The following DUSP11 variants were observed in gnomAD, a reference collection of about 807,000 sequenced individuals.
DUSP11 encodes RNA/RNP complex-1-interacting phosphatase.
Under a neutral mutation model 41.4 loss-of-function variants are expected in DUSP11, and 27 were observed. The ratio of observed to expected loss-of-function variants is 0.65; its 90% CI spans 0.48 to 0.90. The LOEUF is 0.90. DUSP11 is among the 40% of genes least tolerant of loss of function. The probability of loss-of-function intolerance (pLI) is 0.00; values close to 1 mark genes in which losing one functional copy is unlikely to be tolerated. For missense variants in DUSP11, 465 were observed against 461.1 expected, an observed-to-expected ratio of 1.01 and a Z score of -0.08; for synonymous variants, 188 against 159.3, an observed-to-expected ratio of 1.18 and a Z score of -1.35.
At chr2:73,780,025 G>C (rs371062533) in exon 1 of DUSP11, 16 of 1,613,964 alleles carry the variant, frequency 9.9e-6, no homozygotes, top group African/African-American at 5.3e-5. Flanking sequence ...AAAAGCGCCA[G>C]TCCGGCGCCC....
chr2:73,767,166 A>G (rs747146824), exon 6 of DUSP11: 3 of 1,611,652 alleles, frequency 1.9e-6, no homozygotes, highest in Non-Finnish European at 2.5e-6. Flanking sequence ...CTTACATTCA[A>G]TTGCATCATC....
intron 8 of DUSP11, among the ~76,000 whole-genome samples, chr2:73,764,013 G>C (rs1303823562): frequency 2.0e-5 from 3 of 152,192 alleles, no homozygotes; most frequent in Non-Finnish European, 4.4e-5. Flanking sequence ...AAATAATGCT[G>C]GGATTAACAC....
chr2:73,775,863 TTAAAAA>T (rs1228204980), intron 2 of DUSP11, among the ~76,000 whole-genome samples: 1 of 101,502 alleles, frequency 9.9e-6, no homozygotes, highest in Non-Finnish European at 1.8e-5. Flanking sequence ...AAAAAAAAAT[TTAAAAA>T]AAAAAAAAAA....
rs374461859 is a variant in DUSP11, at chr2:73,763,941, AATTATTTAGCTAC to A, written c.936-1095_936-1083del. Among the ~76,000 whole-genome samples the A allele has an allele frequency of 2.7e-3, 417 of 152,286 alleles. 2 individuals carry two copies. The highest frequency in any genetic ancestry group is 9.4e-3 in the African/African-American group (389 of 41,558). On this transcript the variant is annotated intron_variant, in intron 8 of 8. Coordinates refer to ENST00000272444, the Ensembl canonical transcript of DUSP11. ...TTATAAAATGTTATAGTATGGATAT[AATTATTTAGCTAC>A]ATTCTCCACTGTTAGAAATATAGCA...
At chr2:73,763,002 A>G (rs1053795917) in intron 8 of DUSP11, 143 bp from the exon 9 acceptor site, 10 of 299,716 alleles carry the variant, frequency 3.3e-5, no homozygotes, top group African/African-American at 2.2e-4. Flanking sequence ...TACCTGTGTG[A>G]CCTAAGCAGA....
exon 9 of DUSP11, chr2:73,762,737 G>A: frequency 1.2e-6 from 2 of 1,613,762 alleles, no homozygotes; most frequent in Non-Finnish European, 1.7e-6. Flanking sequence ...TCTATCCTGG[G>A]CTGCCCGACT....
intron 4 of DUSP11, among the ~76,000 whole-genome samples, chr2:73,770,010 A>G (rs1164499619): frequency 6.6e-6 from 1 of 152,184 alleles, no homozygotes; most frequent in African/African-American, 2.4e-5. Flanking sequence ...TCTTTGCAAA[A>G]TCTGTGTCCA....
chr2:73,779,343 A>C (rs545443439), intron 1 of DUSP11: 1 of 164,200 alleles, frequency 6.1e-6, no homozygotes, highest in East Asian at 1.7e-4. Context: ...GAGTAAAAAC[A>C]GTTCAATGCA....
chr2:73,775,447 T>C (rs1468225634), intron 2 of DUSP11, among the ~76,000 whole-genome samples: 2 of 148,096 alleles, frequency 1.4e-5, no homozygotes, highest in African/African-American at 5.0e-5. Flanking sequence ...GACACAAACA[T>C]GGCTCACTGC....
At chr2:73,775,953 CCCT>C (rs1240752366) in intron 2 of DUSP11, among the ~76,000 whole-genome samples, 7 of 150,948 alleles carry the variant, frequency 4.6e-5, no homozygotes, top group Non-Finnish European at 8.8e-5. Flanking sequence ...GCTCAAGCAA[CCCT>C]CCTGTCTCGG....
intron 2 of DUSP11, among the ~76,000 whole-genome samples, chr2:73,776,413 CAAAA>C (rs70965758): frequency 1.0e-5 from 1 of 99,434 alleles, no homozygotes; most frequent in African/African-American, 4.1e-5. Context: ...GACACCATCT[CAAAA>C]AAAAAAAAAA....
At chr2:73,765,547 T>A (rs142505769) in intron 8 of DUSP11, among the ~76,000 whole-genome samples, 15 of 151,960 alleles carry the variant, frequency 9.9e-5, no homozygotes, top group African/African-American at 3.6e-4. Context: ...CCTCCTCCCA[T>A]CCACCCACCC....
chr2:73,765,979 A>G (rs1342834618), intron 8 of DUSP11, among the ~76,000 whole-genome samples: 1 of 152,198 alleles, frequency 6.6e-6, no homozygotes. Context: ...CAAAATACAG[A>G]GCAGAATAAT....
chr2:73,772,226 TAAC>T lies in DUSP11; in HGVS notation c.574+1571_574+1573del, dbSNP rs528542415. On this transcript the variant is annotated intron_variant, in intron 4 of 8. Coordinates refer to ENST00000272444, the Ensembl canonical transcript of DUSP11. ...CTATCATCTCTGTGTCTTCATGCTC[TAAC>T]AACAAATCTAAAAGGATCTCAGTGT... Among the ~76,000 whole-genome samples the T allele has an allele frequency of 2.6e-5, 4 of 152,350 alleles. No individual in the cohort carries two copies. The South Asian group carries it at 8.3e-4, about 32-fold the overall frequency.
At position 73,762,703 on chromosome 2, in the gene DUSP11, G is replaced by C; in HGVS notation, c.1092C>G (p.Tyr364Ter). The stretch of plus-strand genomic sequence containing the variant: ...AACAGGCTGGATAGGAGAGTCTGGA[G>C]TAATTATAAGGATACCACCTTCTTC... Residue 364 changes from tyrosine to a stop codon, truncating the protein, a stop_gained, in exon 9 of 9, where the codon TAC (tyrosine) becomes TAG (stop). Transcript: ENST00000272444. LOFTEE classifies it high-confidence loss of function. The C allele has an allele frequency of 6.2e-7, 1 of 1,613,626 alleles. No homozygotes were observed. The highest frequency in any genetic ancestry group is 8.5e-7 in the Non-Finnish European group (1 of 1,179,794).
chr2:73,770,200 A>C (rs1672546518), intron 4 of DUSP11, among the ~76,000 whole-genome samples: 1 of 151,596 alleles, frequency 6.6e-6, no homozygotes, highest in East Asian at 1.9e-4. Context: ...AAAAAAAAAA[A>C]AGAAAGAAAG....
chr2:73,778,685 G>A (rs1175012369), intron 1 of DUSP11, among the ~76,000 whole-genome samples: 1 of 152,062 alleles, frequency 6.6e-6, no homozygotes, highest in Non-Finnish European at 1.5e-5. Flanking sequence ...AGATACTAAA[G>A]TGCCATTAAT....
chr2:73,762,458 G>T, exon 9 of DUSP11: 1 of 378,178 alleles, frequency 2.6e-6, no homozygotes, highest in South Asian at 1.0e-4. Flanking sequence ...TTTAAGACTG[G>T]AATAACAGAT....
chr2:73,771,793 C>T (rs1430223120), intron 4 of DUSP11, among the ~76,000 whole-genome samples: 2 of 146,950 alleles, frequency 1.4e-5, no homozygotes, highest in African/African-American at 5.0e-5. Flanking sequence ...TGAGCCATCG[C>T]GCCCGGCTTT....
Sources: gnomAD v4.1 joint callset for allele counts (sites outside exome capture counted in the v4.1 genomes callset) on GRCh38, gnomAD v4.1.1 for gene constraint, MANE v1.5 for transcripts, NCBI Gene and HGNC (gene_info 2026-07-23, HGNC 2026-07-21) for gene names.